The following PTPA variants were observed in gnomAD, a reference collection of about 807,000 sequenced individuals.
PTPA encodes the protein serine/threonine-protein phosphatase 2A activator.
A neutral mutation model predicts 43.6 loss-of-function variants in PTPA; 13 were observed. The ratio of observed to expected loss-of-function variants is 0.30; its 90% CI spans 0.19 to 0.47. The LOEUF (loss-of-function observed/expected upper bound fraction) is 0.47. Among genes scored for constraint, PTPA ranks in the 20% least tolerant of loss-of-function variants. PTPA has a pLI of 0.99. For missense variants in PTPA, 329 were observed against 411.9 expected (o/e 0.80, Z 1.74); for synonymous variants, 172 against 158.2 (o/e 1.09, Z -0.66).
At chr9:129,127,314 C>G (rs1483101859) in intron 3 of PTPA, among the ~76,000 whole-genome samples, 1 of 152,228 alleles carries the variant, frequency 6.6e-6, no homozygotes, top group African/African-American at 2.4e-5. Context: ...TCCCCAGGTA[C>G]ATACATAGCT....
chr9:129,142,124 G>A (rs146560803), intron 8 of PTPA: 71 of 270,882 alleles, frequency 2.6e-4, no homozygotes, highest in African/African-American at 1.2e-3. Flanking sequence ...TTTGGTGGGC[G>A]ATAGGAATCA....
chr9:129,123,674 GT>G, intron 3 of PTPA, among the ~76,000 whole-genome samples: 1 of 151,600 alleles, frequency 6.6e-6, no homozygotes, highest in Non-Finnish European at 1.5e-5. Flanking sequence ...TTGCTAATTG[GT>G]TTTTTCTTTC....
rs192952652 is a variant in PTPA, at chr9:129,140,330, C to T, written c.787-2115C>T. Among the ~76,000 whole-genome samples the T allele has an allele frequency of 2.6e-3, 391 of 152,282 alleles. 2 individuals carry two copies. Among genetic ancestry groups the T allele is most frequent in the Middle Eastern group, 0.014 (4 of 294 alleles). On this transcript the variant is annotated intron_variant, in intron 8 of 9. Transcript: ENST00000393370. ...CTTTTTCTCCCACTCGTCTGTTTTC[C>T]TTTGCCAGAGTTACAGGCAAAGGAC...
At chr9:129,114,160 C>T (rs560145843) in intron 1 of PTPA, among the ~76,000 whole-genome samples, 8 of 152,188 alleles carry the variant, frequency 5.3e-5, no homozygotes, top group Non-Finnish European at 1.0e-4. Flanking sequence ...TCCCGAGTTG[C>T]TGAGGCGCCC....
At chr9:129,141,121 G>T (rs1466384715) in intron 8 of PTPA, among the ~76,000 whole-genome samples, 2 of 152,092 alleles carry the variant, frequency 1.3e-5, no homozygotes, top group Non-Finnish European at 2.9e-5. Context: ...CTGGGCCAGG[G>T]GAGGGAAATG....
chr9:129,115,684 G>C (rs964518934), intron 1 of PTPA, among the ~76,000 whole-genome samples: 3 of 151,954 alleles, frequency 2.0e-5, no homozygotes, highest in Non-Finnish European at 4.4e-5. Flanking sequence ...TTGTTGCCCA[G>C]GCTGGAGTAC....
intron 9 of PTPA, among the ~76,000 whole-genome samples, chr9:129,143,937 TGA>T (rs1297801440): frequency 1.3e-5 from 2 of 151,524 alleles, no homozygotes; most frequent in African/African-American, 2.4e-5. Context: ...TCTGAGCATG[TGA>T]GAGGTGCACA....
At chr9:129,116,247 C>T (rs1344466118) in intron 1 of PTPA, among the ~76,000 whole-genome samples, 2 of 151,308 alleles carry the variant, frequency 1.3e-5, no homozygotes, top group Non-Finnish European at 3.0e-5. Flanking sequence ...TGCAGTGGCG[C>T]GATCTCGGCT....
At chr9:129,124,410 A>G (rs939025244) in intron 3 of PTPA, among the ~76,000 whole-genome samples, 2 of 152,158 alleles carry the variant, frequency 1.3e-5, no homozygotes, top group East Asian at 1.9e-4. Context: ...CTCCTCGCAT[A>G]TCATTGCATC....
chr9:129,118,039 T>C lies in PTPA; in HGVS notation c.32-2474T>C, dbSNP rs556914020. On this transcript the variant is annotated intron_variant, in intron 1 of 9. Coordinates refer to ENST00000393370, the MANE Select transcript of PTPA (RefSeq NM_178000.3). Reference sequence around the variant, plus strand: ...TTACCCATTGTCTTATCAACTGATATTTGAGTTGTTTCTTTTTTTTTTTTT... The same window carrying C: ...TTACCCATTGTCTTATCAACTGATACTTGAGTTGTTTCTTTTTTTTTTTTT... Among the ~76,000 whole-genome samples the C allele has an allele frequency of 1.3e-4, 18 of 142,780 alleles. No homozygotes were observed. In the South Asian group the frequency reaches 3.7e-3, roughly 29 times the overall value. The allele number at this position is 142,780 out of a possible 152,430, so 93.7% of individuals were successfully genotyped here. A position where few individuals can be genotyped will look rare whatever the true frequency, so the allele number is the denominator to read the frequency against.
At chr9:129,126,313 C>G (rs1175573911) in intron 3 of PTPA, among the ~76,000 whole-genome samples, 1 of 151,958 alleles carries the variant, frequency 6.6e-6, no homozygotes, top group African/African-American at 2.4e-5. Flanking sequence ...CCTGCCTCAG[C>G]CTCCCGACTA....
At chr9:129,124,348 A>G (rs139090893) in intron 3 of PTPA, among the ~76,000 whole-genome samples, 1 of 72,234 alleles carries the variant, frequency 1.4e-5, no homozygotes, top group Admixed American at 1.8e-4. Context: ...TTGGCCCCTC[A>G]TTTATTTAAA....
chr9:129,133,137 T>TG (rs980027085), intron 5 of PTPA, among the ~76,000 whole-genome samples: 3 of 152,206 alleles, frequency 2.0e-5, no homozygotes, highest in African/African-American at 7.2e-5. Context: ...GCCTGGCCTG[T>TG]GCAGCTAAGG....
At chr9:129,126,212 T>G (rs181790880) in intron 3 of PTPA, among the ~76,000 whole-genome samples, 1 of 152,184 alleles carries the variant, frequency 6.6e-6, no homozygotes, top group South Asian at 2.1e-4. Flanking sequence ...TTTATTTTTA[T>G]TTTTGAGATG....
rs758397055 is a variant in PTPA at position 129,136,606 on chromosome 9, G to A, written c.685+11G>A. ...GTTCGCAGCTGATAGGTACTAGAGCGGGAGGTGCCTATCCCTCCACCCCCA... is the reference window on the plus strand; with the variant it reads ...GTTCGCAGCTGATAGGTACTAGAGCAGGAGGTGCCTATCCCTCCACCCCCA... On this transcript the variant is annotated intron_variant, in intron 7 of 9. Transcript: ENST00000393370. 1.6e-5 allele frequency: 26 copies of A among 1,602,370 alleles called. No homozygotes were observed. The highest frequency in any genetic ancestry group is 1.4e-4 in the Admixed American group (8 of 59,026).
At chr9:129,112,287 G>A (rs1323270829) in intron 1 of PTPA, among the ~76,000 whole-genome samples, 1 of 152,170 alleles carries the variant, frequency 6.6e-6, no homozygotes, top group Non-Finnish European at 1.5e-5. Context: ...TAAATAACTG[G>A]GATGGAGGTG....
rs1851396323 is a variant in PTPA at position 129,147,749 on chromosome 9, C to G, written c.*285C>G. On this transcript the variant is annotated 3_prime_UTR_variant, in exon 10 of 10. Transcript: ENST00000393370. ...GTCACTCGGCCACTCTCTCCTGTTT[C>G]TGGCCTCTTCTCCCTTCACTCCCGT... is the stretch of plus-strand genomic sequence containing the variant. 2.3e-6 allele frequency: 1 copy of G among 430,516 alleles called. No homozygotes were observed. Among genetic ancestry groups the G allele is most frequent in the East Asian group, 4.8e-5 (1 of 20,838 alleles). 26.7% of individuals were successfully genotyped at this position (430,516 alleles called of 1,614,324 possible).
At chr9:129,135,204 C>T (rs1278407516) in intron 6 of PTPA, among the ~76,000 whole-genome samples, 1 of 152,168 alleles carries the variant, frequency 6.6e-6, no homozygotes, top group Non-Finnish European at 1.5e-5. Context: ...ACCAGCCTGG[C>T]CAACATGATG....
intron 3 of PTPA, among the ~76,000 whole-genome samples, chr9:129,124,477 T>C (rs1187402235): frequency 6.6e-6 from 1 of 152,202 alleles, no homozygotes; most frequent in Non-Finnish European, 1.5e-5. Context: ...GACGTGGAAA[T>C]GTGGAGTCAA....
Sources: allele counts gnomAD v4.1 joint callset (sites outside exome capture counted in the v4.1 genomes callset), GRCh38; gene constraint gnomAD v4.1.1; transcripts MANE v1.5; gene names NCBI Gene and HGNC (gene_info 2026-07-23, HGNC 2026-07-21).